Variants in TMEM132D observed in about 807,000 individuals in gnomAD.
The protein encoded by TMEM132D is transmembrane protein 132D.
Under a neutral mutation model 62.3 loss-of-function variants are expected in TMEM132D, and 21 were observed. The ratio of observed to expected loss-of-function variants is 0.34; its 90% CI spans 0.24 to 0.49. TMEM132D has a LOEUF of 0.49. Ranked by LOEUF, TMEM132D falls within the 20% of genes least tolerant of loss-of-function variation. The probability of loss-of-function intolerance (pLI) is 0.99; values close to 1 mark genes in which losing one functional copy is unlikely to be tolerated. For synonymous variants in TMEM132D, 621 were observed against 575.6 expected, an observed-to-expected ratio of 1.08 and a Z score of -1.13; for missense variants, 1,346 against 1,402.8, an observed-to-expected ratio of 0.96 and a Z score of 0.65.
intron 1 of TMEM132D, among the ~76,000 whole-genome samples, chr12:129,872,476 C>G (rs1874280343): frequency 6.6e-6 from 1 of 152,180 alleles, no homozygotes; most frequent in African/African-American, 2.4e-5. Context: ...ATTCACTGTT[C>G]ACAAAGGCTT....
In TMEM132D at chr12:129,381,035, T is replaced by A. The variant is rs189308979; in HGVS notation, c.1116-43218A>T. ...GTGATTTGTGTGGGCTCCTAAATAA[T>A]CAAAGACCTCCTTCAAGCCTGGTAG... On this transcript the variant is annotated intron_variant, in intron 3 of 8. Coordinates refer to ENST00000422113, the MANE Select transcript of TMEM132D (RefSeq NM_133448.3). Among the ~76,000 whole-genome samples the A allele has an allele frequency of 6.5e-3, 989 of 152,272 alleles. 7 individuals carry two copies. Among genetic ancestry groups the A allele is most frequent in the Middle Eastern group, 0.01 (3 of 294 alleles).
chr12:129,524,244 AAAAAT>A (rs1875943785), intron 3 of TMEM132D, among the ~76,000 whole-genome samples: 1 of 152,134 alleles, frequency 6.6e-6, no homozygotes, highest in African/African-American at 2.4e-5. Context: ...TAAAAAATAA[AAAAAT>A]AAAAAGGTGA....
intron 3 of TMEM132D, among the ~76,000 whole-genome samples, chr12:129,527,085 G>A (rs1174476290): frequency 6.6e-6 from 1 of 152,228 alleles, no homozygotes. Flanking sequence ...AAGGCAGGTA[G>A]ATTGCTTGGG....
At chr12:129,785,123 T>C (rs776829724) in intron 1 of TMEM132D, among the ~76,000 whole-genome samples, 14 of 152,190 alleles carry the variant, frequency 9.2e-5, no homozygotes, top group Non-Finnish European at 1.8e-4. Context: ...CTGGGATCAG[T>C]GGGCTCCTAG....
At chr12:129,757,109 T>C (rs900170434) in intron 1 of TMEM132D, among the ~76,000 whole-genome samples, 3 of 152,136 alleles carry the variant, frequency 2.0e-5, no homozygotes, top group South Asian at 2.1e-4. Flanking sequence ...CAGGCTGAAG[T>C]TGGGGTCACA....
intron 3 of TMEM132D, among the ~76,000 whole-genome samples, chr12:129,472,475 T>C (rs1326400277): frequency 6.6e-6 from 1 of 152,114 alleles, no homozygotes; most frequent in East Asian, 1.9e-4. Context: ...GATAAATACC[T>C]AATGCATGCG....
At chr12:129,845,239 C>G (rs111882741) in intron 1 of TMEM132D, among the ~76,000 whole-genome samples, 4,658 of 152,216 alleles carry the variant, frequency 0.031, 70 homozygotes, top group Middle Eastern at 0.078. Context: ...CCAGGGCTAA[C>G]TAATAATCAA....
In TMEM132D at chr12:129,523,403, C is replaced by T. The variant is rs141824300; in HGVS notation, c.1115+7656G>A. 3.3e-3 allele frequency among the ~76,000 whole-genome samples: 501 copies of T among 152,244 alleles called. 9 individuals are homozygous for T. The highest frequency in any genetic ancestry group is 6.6e-3 in the East Asian group (34 of 5,178). ...GATGAAGCATTTTGATGAACACCAG[C>T]AAATGGCATAATGTAATTATTGTTG... On this transcript the variant is annotated intron_variant, in intron 3 of 8. Coordinates refer to ENST00000422113, the MANE Select transcript of TMEM132D (RefSeq NM_133448.3).
At chr12:129,099,333 C>G (rs1195631811) in intron 5 of TMEM132D, among the ~76,000 whole-genome samples, 2 of 152,154 alleles carry the variant, frequency 1.3e-5, no homozygotes. Context: ...TCCTATTAAC[C>G]TGCCATTTTT....
intron 1 of TMEM132D, among the ~76,000 whole-genome samples, chr12:129,809,981 C>T (rs1292648878): frequency 2.6e-5 from 4 of 152,054 alleles, no homozygotes; most frequent in Non-Finnish European, 4.4e-5. Flanking sequence ...TTGTAACAAG[C>T]TATCAAGGAG....
intron 1 of TMEM132D, among the ~76,000 whole-genome samples, chr12:129,750,716 C>T (rs1166278598): frequency 6.6e-6 from 1 of 152,076 alleles, no homozygotes; most frequent in Non-Finnish European, 1.5e-5. Context: ...AGGGGTTGGT[C>T]AGCGGGTACA....
rs1216558243 is a variant in TMEM132D, at chr12:129,096,947, T to C, written c.1444-12245A>G. On this transcript the variant is annotated intron_variant, in intron 5 of 8. Transcript: ENST00000422113. Reference sequence around the variant, plus strand: ...GGTGAATGTTCTCTTTTCTTTGTCCTCAAAACCGTCCATGTGGCCTGGGTC... The same window carrying C: ...GGTGAATGTTCTCTTTTCTTTGTCCCCAAAACCGTCCATGTGGCCTGGGTC... 5.5e-5 allele frequency among the ~76,000 whole-genome samples: 4 copies of C among 72,562 alleles called. No individual in the cohort carries two copies. The Admixed American group carries it at 6.1e-4, about 11-fold the overall frequency. The allele number at this position is 72,562 out of a possible 152,430, so 47.6% of individuals were successfully genotyped here.
chr12:129,077,231 A>C (rs10847754), intron 8 of TMEM132D, among the ~76,000 whole-genome samples: 44,128 of 151,454 alleles, frequency 0.29, 7,446 homozygotes, highest in African/African-American at 0.48. Flanking sequence ...GAAGGCAGGG[A>C]AGGCCTGGTA....
chr12:129,279,712 G>GA (rs148917296), intron 4 of TMEM132D, among the ~76,000 whole-genome samples: 5 of 151,964 alleles, frequency 3.3e-5, no homozygotes, highest in African/African-American at 9.7e-5. Flanking sequence ...CTGGGAAACT[G>GA]AAAAAAATCT....
chr12:129,399,068 A>C (rs77659769), intron 3 of TMEM132D, among the ~76,000 whole-genome samples: 1,711 of 142,894 alleles, frequency 0.012, 45 homozygotes, highest in African/African-American at 0.033. Context: ...AGGAGCACAC[A>C]CATGGGACAA....
At chr12:129,673,043 C>T (rs1054932983) in intron 2 of TMEM132D, among the ~76,000 whole-genome samples, 9 of 152,190 alleles carry the variant, frequency 5.9e-5, no homozygotes, top group Admixed American at 3.9e-4. Flanking sequence ...GCACCACATC[C>T]GGCCAGTTCT....
At chr12:129,870,829 G>T (rs1419493046) in intron 1 of TMEM132D, among the ~76,000 whole-genome samples, 1 of 152,006 alleles carries the variant, frequency 6.6e-6, no homozygotes, top group Non-Finnish European at 1.5e-5. Context: ...AAAGCCCCTC[G>T]CCCCCTACAG....
intron 5 of TMEM132D, among the ~76,000 whole-genome samples, chr12:129,102,518 G>A (rs1002229282): frequency 6.8e-5 from 10 of 147,914 alleles, no homozygotes; most frequent in African/African-American, 2.5e-5. Context: ...ACGCACACAC[G>A]CACACACACA....
chr12:129,519,184 T>C (rs1272015601), intron 3 of TMEM132D, among the ~76,000 whole-genome samples: 1 of 152,212 alleles, frequency 6.6e-6, no homozygotes, highest in Non-Finnish European at 1.5e-5. Context: ...TGAACTTGGC[T>C]GGGGAAAAAC....
Sources: gnomAD v4.1 joint callset for allele counts (sites outside exome capture counted in the v4.1 genomes callset) on GRCh38, gnomAD v4.1.1 for gene constraint, MANE v1.5 for transcripts, NCBI Gene and HGNC (gene_info 2026-07-23, HGNC 2026-07-21) for gene names.